The following YTHDC2 variants were observed in gnomAD, a reference collection of about 807,000 sequenced individuals.
YTHDC2 encodes the protein 3'-5' RNA helicase YTHDC2.
In YTHDC2, 45 loss-of-function variants were observed where a neutral mutation model predicts 174.9. The ratio of observed to expected loss-of-function variants is 0.26; its 90% CI spans 0.20 to 0.33. The LOEUF is 0.33. Among genes scored for constraint, YTHDC2 ranks in the 10% least tolerant of loss-of-function variants. The pLI is 1.00. For missense variants in YTHDC2, 1,650 were observed against 1,723.7 expected, an observed-to-expected ratio of 0.96 and a Z score of 0.76; for synonymous variants, 657 against 574.5, an observed-to-expected ratio of 1.14 and a Z score of -2.05.
At chr5:113,581,384 T>C in intron 24 of YTHDC2, 33 bp from the exon 25 acceptor site, 2 of 1,523,498 alleles carry the variant, frequency 1.3e-6, no homozygotes, top group South Asian at 2.7e-5. Flanking sequence ...ATATGTGATA[T>C]TCATTTGCTT....
chr5:113,549,460 T>A lies in YTHDC2; in HGVS notation c.1688+440T>A, dbSNP rs993592247. Among the ~76,000 whole-genome samples, 9 of 152,270 alleles carry A rather than the reference T, an allele frequency of 5.9e-5. No homozygotes were observed. The South Asian group carries it at 1.2e-3, about 21-fold the overall frequency. On this transcript the variant is annotated intron_variant, in intron 12 of 29. Transcript: ENST00000161863. Reference sequence around the variant, plus strand: ...AACTCACAGTGCCAATGAGAAACACTCATTTTAGCTTTGAAACTCCTTAGA... The same window carrying A: ...AACTCACAGTGCCAATGAGAAACACACATTTTAGCTTTGAAACTCCTTAGA...
intron 10 of YTHDC2, among the ~76,000 whole-genome samples, chr5:113,544,090 G>A (rs559618468): frequency 9.9e-5 from 15 of 152,132 alleles, no homozygotes; most frequent in African/African-American, 3.6e-4. Context: ...ACTTATCTCT[G>A]TGTCACCAGA....
chr5:113,584,521 T>C, intron 26 of YTHDC2, 42 bp downstream of exon 26: 1 of 1,489,990 alleles, frequency 6.7e-7, no homozygotes, highest in Non-Finnish European at 9.2e-7. Flanking sequence ...AACAGATTTG[T>C]AGCACATGTA....
chr5:113,577,779 TAA>T (rs1778151573), intron 23 of YTHDC2, among the ~76,000 whole-genome samples: 1 of 152,204 alleles, frequency 6.6e-6, no homozygotes, highest in Non-Finnish European at 1.5e-5. Flanking sequence ...GTAACTTTTA[TAA>T]AGTTTGGGGA....
chr5:113,534,088 G>A (rs1314667197), intron 5 of YTHDC2, among the ~76,000 whole-genome samples: 2 of 152,058 alleles, frequency 1.3e-5, no homozygotes, highest in Non-Finnish European at 2.9e-5. Context: ...GAGCAGCTTA[G>A]GTTCTTTAAC....
At chr5:113,528,615 TCTC>T (rs951730582) in intron 4 of YTHDC2, among the ~76,000 whole-genome samples, 2 of 151,940 alleles carry the variant, frequency 1.3e-5, no homozygotes, top group African/African-American at 4.8e-5. Flanking sequence ...CTCCAGCAAT[TCTC>T]CTCCCTCTGC....
At chr5:113,572,264 T>C in intron 23 of YTHDC2, among the ~76,000 whole-genome samples, 1 of 152,230 alleles carries the variant, frequency 6.6e-6, no homozygotes, top group Non-Finnish European at 1.5e-5. Context: ...TCAGTTTCCA[T>C]GTAGTTGTGT....
intron 26 of YTHDC2, among the ~76,000 whole-genome samples, chr5:113,586,294 T>C (rs1239772362): frequency 1.3e-5 from 2 of 152,036 alleles, no homozygotes; most frequent in Non-Finnish European, 2.9e-5. Flanking sequence ...TTATTAGCCA[T>C]TGTGTATCAT....
At chr5:113,534,505 A>T in intron 6 of YTHDC2, 98 bp downstream of exon 6, 1 of 1,047,668 alleles carries the variant, frequency 9.5e-7, no homozygotes, top group East Asian at 2.5e-5. Flanking sequence ...TAAATACATA[A>T]TTACATTTTT....
chr5:113,573,994 G>C (rs1176514219), intron 23 of YTHDC2, among the ~76,000 whole-genome samples: 1 of 152,136 alleles, frequency 6.6e-6, no homozygotes, highest in Non-Finnish European at 1.5e-5. Flanking sequence ...GCCCAGTTCT[G>C]TGCCCTTGCT....
At chr5:113,564,309 AAC>A (rs1470565088) in intron 20 of YTHDC2, among the ~76,000 whole-genome samples, 178 bp downstream of exon 20, 1 of 152,182 alleles carries the variant, frequency 6.6e-6, no homozygotes, top group African/African-American at 2.4e-5. Context: ...TTAAAATTAA[AAC>A]AGTTTTGCTC....
chr5:113,552,561 A>G (rs1226203483), intron 12 of YTHDC2, among the ~76,000 whole-genome samples: 1 of 152,126 alleles, frequency 6.6e-6, no homozygotes, highest in African/African-American at 2.4e-5. Flanking sequence ...TATATTTGTC[A>G]ATTGATGAAC....
At chr5:113,515,823 G>A (rs1297211044) in intron 2 of YTHDC2, among the ~76,000 whole-genome samples, 1 of 152,218 alleles carries the variant, frequency 6.6e-6, no homozygotes, top group Non-Finnish European at 1.5e-5. Flanking sequence ...TGTAGGTGCA[G>A]TAAATTGTGG....
intron 21 of YTHDC2, among the ~76,000 whole-genome samples, chr5:113,566,872 C>T (rs1777365058): frequency 1.7e-5 from 2 of 119,494 alleles, no homozygotes; most frequent in African/African-American, 6.4e-5. Flanking sequence ...CTTAATCTAA[C>T]CTGAGCAGAT....
intron 9 of YTHDC2, 80 bp from the exon 10 acceptor site, chr5:113,542,288 C>G: frequency 7.1e-7 from 1 of 1,414,792 alleles, no homozygotes; most frequent in Non-Finnish European, 9.8e-7. Flanking sequence ...GTCCTGATGG[C>G]CATTGTGGCC....
At position 113,522,984 on chromosome 5, in the gene YTHDC2, T is replaced by A. The variant is rs183897460; in HGVS notation, c.279-1997T>A. Among the ~76,000 whole-genome samples, 777 of 152,242 alleles carry A rather than the reference T, an allele frequency of 5.1e-3. 6 individuals carry two copies. The highest frequency in any genetic ancestry group is 6.1e-3 in the Non-Finnish European group (415 of 67,956). On this transcript the variant is annotated intron_variant, in intron 2 of 29. Coordinates refer to ENST00000161863, the MANE Select transcript of YTHDC2 (RefSeq NM_022828.5). The stretch of plus-strand genomic sequence containing the variant: ...CACCTGCTTATTATGAGGTTTTTTT[T>A]AATACCTAAATGCTATATTAGGTAA...
chr5:113,541,853 G>T (rs1775500257), intron 9 of YTHDC2, among the ~76,000 whole-genome samples: 1 of 151,800 alleles, frequency 6.6e-6, no homozygotes, highest in Non-Finnish European at 1.5e-5. Flanking sequence ...AAAACATATA[G>T]TATAGACTTA....
intron 13 of YTHDC2, 80 bp from the exon 14 acceptor site, chr5:113,553,510 G>C: frequency 6.6e-7 from 1 of 1,509,438 alleles, no homozygotes; most frequent in Non-Finnish European, 9.1e-7. Context: ...TTGAAAACAT[G>C]TGATACAGAT....
chr5:113,555,146 T>A (rs905614447), intron 16 of YTHDC2, among the ~76,000 whole-genome samples: 1 of 151,996 alleles, frequency 6.6e-6, no homozygotes, highest in South Asian at 2.1e-4. Flanking sequence ...TGCCCTAAAA[T>A]TACCTAAAGT....
Sources: gnomAD v4.1 joint callset for allele counts (sites outside exome capture counted in the v4.1 genomes callset) on GRCh38, gnomAD v4.1.1 for gene constraint, MANE v1.5 for transcripts, NCBI Gene and HGNC (gene_info 2026-07-23, HGNC 2026-07-21) for gene names.